The following NUDT3 variants were observed in gnomAD, a reference collection of about 807,000 sequenced individuals.
NUDT3 encodes diphosphoinositol polyphosphate phosphohydrolase 1.
A neutral mutation model predicts 23.6 loss-of-function variants in NUDT3; 9 were observed. That is an observed-to-expected ratio of 0.38 (90% CI 0.23 to 0.66). The LOEUF (loss-of-function observed/expected upper bound fraction) is 0.66. Among genes scored for constraint, NUDT3 ranks in the 30% least tolerant of loss-of-function variants. The pLI is 0.52. For missense variants in NUDT3, 172 were observed against 218.5 expected, an observed-to-expected ratio of 0.79 and a Z score of 1.34; for synonymous variants, 86 against 82.6, an observed-to-expected ratio of 1.04 and a Z score of -0.22.
rs964754860 is a variant in NUDT3, at chr6:34,286,936, G to T, written c.*1817C>A. Reference sequence around the variant, plus strand: ...CTCCCAAGTAGCTGGGATTACAGGCGCCCACCTAATTTCTGCATTTTTAGT... The same window carrying T: ...CTCCCAAGTAGCTGGGATTACAGGCTCCCACCTAATTTCTGCATTTTTAGT... On this transcript the variant is annotated 3_prime_UTR_variant, in exon 5 of 5. Coordinates refer to ENST00000607016, the MANE Select transcript of NUDT3 (RefSeq NM_006703.4). The T allele has an allele frequency of 1.3e-5, 2 of 151,728 alleles. No individual in the cohort carries two copies. The highest frequency in any genetic ancestry group is 6.6e-5 in the Admixed American group (1 of 15,214). 9.4% of individuals were successfully genotyped at this position (151,728 alleles called of 1,614,324 possible).
intron 2 of NUDT3, among the ~76,000 whole-genome samples, chr6:34,300,787 G>A (rs995636044): frequency 4.6e-5 from 7 of 152,156 alleles, no homozygotes; most frequent in African/African-American, 1.4e-4. Context: ...GTTATTATTC[G>A]TAGCTGAAAG....
At chr6:34,371,027 C>T (rs1366394081) in intron 1 of NUDT3, among the ~76,000 whole-genome samples, 1 of 151,874 alleles carries the variant, frequency 6.6e-6, no homozygotes, top group Non-Finnish European at 1.5e-5. Context: ...AGGAGAATCG[C>T]TTGAACCCGG....
chr6:34,312,051 C>A (rs565029940), intron 2 of NUDT3, among the ~76,000 whole-genome samples: 1 of 152,106 alleles, frequency 6.6e-6, no homozygotes, highest in East Asian at 1.9e-4. Context: ...AGGCAGAATA[C>A]CTGAAAGAAA....
intron 2 of NUDT3, among the ~76,000 whole-genome samples, chr6:34,318,482 G>C (rs1763893434): frequency 6.6e-6 from 1 of 152,040 alleles, no homozygotes. Context: ...ATTTTACCCA[G>C]ATGGGATCAT....
intron 2 of NUDT3, among the ~76,000 whole-genome samples, chr6:34,338,976 A>G (rs1038891126): frequency 1.4e-4 from 22 of 152,232 alleles, no homozygotes; most frequent in African/African-American, 5.3e-4. Context: ...ACACAGGCCA[A>G]GGTTCCAAGA....
Position 34,356,779 on chromosome 6 carries a change from G to T in NUDT3, c.100-14807C>A, listed in dbSNP as rs188793981. Among the ~76,000 whole-genome samples the T allele has an allele frequency of 2.5e-3, 374 of 151,674 alleles. 3 individuals are homozygous for T. The highest frequency in any genetic ancestry group is 6.0e-3 in the African/African-American group (247 of 41,358). On this transcript the variant is annotated intron_variant, in intron 1 of 4. Coordinates refer to ENST00000607016, the MANE Select transcript of NUDT3 (RefSeq NM_006703.4). ...TAGGTATAATTATGGAATTGTGGGG[G>T]TTTTTTTTGTTTTCTTTTGACGGAG...
intron 1 of NUDT3, among the ~76,000 whole-genome samples, chr6:34,351,518 T>A (rs1333530306): frequency 6.7e-6 from 1 of 148,792 alleles, no homozygotes; most frequent in Admixed American, 6.7e-5. Flanking sequence ...AAGGCGGGCA[T>A]GTCACCTGAG....
rs545676192 is a variant in NUDT3, at chr6:34,358,175, C to G, written c.100-16203G>C. Among the ~76,000 whole-genome samples the G allele has an allele frequency of 5.3e-5, 8 of 151,908 alleles. No individual in the cohort carries two copies. The East Asian group carries it at 1.5e-3, about 29-fold the overall frequency. The stretch of plus-strand genomic sequence containing the variant: ...TGGGGCTAACATCACCATACTTGCC[C>G]TTCACTCTTCTTTTTCAGAGTTTTA... On this transcript the variant is annotated intron_variant, in intron 1 of 4. Transcript: ENST00000607016.
chr6:34,296,586 T>C (rs1763502822), intron 2 of NUDT3, among the ~76,000 whole-genome samples: 1 of 152,044 alleles, frequency 6.6e-6, no homozygotes, highest in Non-Finnish European at 1.5e-5. Context: ...AATACATACA[T>C]ACATACATAC....
chr6:34,334,986 A>T (rs1339148503), intron 2 of NUDT3, among the ~76,000 whole-genome samples: 5 of 151,934 alleles, frequency 3.3e-5, no homozygotes, highest in Non-Finnish European at 7.4e-5. Flanking sequence ...AGAAAGAGAG[A>T]GAAGAGAGAG....
chr6:34,388,478 G>C (rs985250200), intron 1 of NUDT3, among the ~76,000 whole-genome samples: 1 of 152,038 alleles, frequency 6.6e-6, no homozygotes, highest in Non-Finnish European at 1.5e-5. Flanking sequence ...GCCTTATTCG[G>C]TTGGAATTTT....
intron 2 of NUDT3, among the ~76,000 whole-genome samples, chr6:34,302,718 C>T (rs1351628312): frequency 1.3e-5 from 2 of 152,050 alleles, no homozygotes; most frequent in African/African-American, 4.8e-5. Flanking sequence ...GGTGACAGAG[C>T]GAGAGACTCC....
At chr6:34,302,827 C>T (rs1763620580) in intron 2 of NUDT3, among the ~76,000 whole-genome samples, 1 of 152,158 alleles carries the variant, frequency 6.6e-6, no homozygotes, top group Non-Finnish European at 1.5e-5. Flanking sequence ...AGAGTTTTAT[C>T]GTACGATCCA....
At chr6:34,351,719 C>A (rs1450934350) in intron 1 of NUDT3, among the ~76,000 whole-genome samples, 1 of 126,104 alleles carries the variant, frequency 7.9e-6, no homozygotes, top group African/African-American at 3.2e-5. Context: ...CCAGCCTGTG[C>A]GACAAGAGTC....
chr6:34,282,953 G>C lies in NUDT3; in HGVS notation c.*5800C>G, dbSNP rs1352268275. On this transcript the variant is annotated 3_prime_UTR_variant, in exon 5 of 5. Transcript: ENST00000607016. ...GTAATCTTACTTTTGTTGGCTAAAA[G>C]CACTTTCTTCAGCATTCTGAGTTAA... 6.6e-6 allele frequency: 1 copy of C among 152,150 alleles called. No individual in the cohort carries two copies. The highest frequency in any genetic ancestry group is 2.4e-5 in the African/African-American group (1 of 41,446). 9.4% of individuals were successfully genotyped at this position (152,150 alleles called of 1,614,324 possible).
At chr6:34,382,964 TA>T (rs1486295920) in intron 1 of NUDT3, among the ~76,000 whole-genome samples, 2 of 151,410 alleles carry the variant, frequency 1.3e-5, no homozygotes, top group African/African-American at 4.9e-5. Flanking sequence ...CTATCTCTAC[TA>T]AAACTGCAAA....
intron 1 of NUDT3, among the ~76,000 whole-genome samples, chr6:34,370,071 G>A (rs949107516): frequency 6.6e-6 from 1 of 152,118 alleles, no homozygotes; most frequent in Non-Finnish European, 1.5e-5. Flanking sequence ...AAGAATTGGT[G>A]ACTCCTCAAA....
In NUDT3 at chr6:34,288,765, T is replaced by C. The variant is rs566390431; in HGVS notation, c.507A>G (p.Ser169=). Residue 169 remains serine, a synonymous_variant, in exon 5 of 5, where the codon TCA becomes TCG. Coordinates refer to ENST00000607016, the MANE Select transcript of NUDT3 (RefSeq NM_006703.4). ...TYSVSAQSSM[S]GIR ...AGGAAGTCTTCAGTCATCTGATGCC[T>C]GACATCGAGCTCTGAGCAGAAACCG... 6.2e-7 allele frequency: 1 copy of C among 1,609,396 alleles called. No individual in the cohort carries two copies. The highest frequency in any genetic ancestry group is 1.1e-5 in the South Asian group (1 of 90,154).
intron 1 of NUDT3, among the ~76,000 whole-genome samples, chr6:34,377,496 A>G (rs914727516): frequency 6.6e-6 from 1 of 152,224 alleles, no homozygotes; most frequent in African/African-American, 2.4e-5. Flanking sequence ...AAATTCACAC[A>G]TTCTCAAATA....
Sources: allele counts gnomAD v4.1 joint callset (sites outside exome capture counted in the v4.1 genomes callset), GRCh38; gene constraint gnomAD v4.1.1; transcripts MANE v1.5; gene names NCBI Gene and HGNC (gene_info 2026-07-23, HGNC 2026-07-21).